The following CWF19L2 variants were observed in gnomAD, a reference collection of about 807,000 sequenced individuals.
CWF19L2 encodes the protein CWF19-like protein 2.
CWF19L2 carries 98 observed loss-of-function variants against 111.7 expected under a neutral mutation model. The observed-to-expected ratio is 0.88, with a 90% CI of 0.75 to 1.04. The LOEUF (loss-of-function observed/expected upper bound fraction) is 1.04, where lower values mean the gene tolerates loss of function less well. Ranked by LOEUF, CWF19L2 falls within the 50% of genes least tolerant of loss-of-function variation. The pLI, the probability that CWF19L2 is intolerant of heterozygous loss-of-function variation, is 0.00. For synonymous variants in CWF19L2, 351 were observed against 342.9 expected, an observed-to-expected ratio of 1.02 and a Z score of -0.26; for missense variants, 1,101 against 1,051.4, an observed-to-expected ratio of 1.05 and a Z score of -0.65.
chr11:107,356,287 A>G (rs551051371), intron 12 of CWF19L2, among the ~76,000 whole-genome samples: 2 of 152,320 alleles, frequency 1.3e-5, no homozygotes, highest in Admixed American at 1.3e-4. Flanking sequence ...AAAAGACAAG[A>G]AAGGTCTCAA....
intron 16 of CWF19L2, among the ~76,000 whole-genome samples, chr11:107,330,360 G>C (rs984838205): frequency 1.6e-4 from 24 of 152,074 alleles, no homozygotes; most frequent in Non-Finnish European, 3.1e-4. Context: ...TAGAGAATAA[G>C]TATATGCCTT....
intron 7 of CWF19L2, among the ~76,000 whole-genome samples, chr11:107,431,057 T>C (rs935397335): frequency 2.0e-5 from 3 of 151,854 alleles, no homozygotes; most frequent in Non-Finnish European, 4.4e-5. Flanking sequence ...CAACTTTGAA[T>C]ATAAGGATAC....
intron 14 of CWF19L2, among the ~76,000 whole-genome samples, chr11:107,337,147 A>G (rs993200953): frequency 6.6e-6 from 1 of 152,224 alleles, no homozygotes; most frequent in Non-Finnish European, 1.5e-5. Flanking sequence ...TCCTATGCTC[A>G]TAGCATCTGC....
At chr11:107,457,563 G>T in intron 1 of CWF19L2, 149 bp downstream of exon 1, 1 of 601,054 alleles carries the variant, frequency 1.7e-6, no homozygotes, top group Non-Finnish European at 3.0e-6. Flanking sequence ...GCTACAAAAG[G>T]GTTTACCGGC....
chr11:107,400,538 AC>A (rs1441509752), intron 10 of CWF19L2, among the ~76,000 whole-genome samples: 2 of 152,140 alleles, frequency 1.3e-5, no homozygotes, highest in Admixed American at 6.5e-5. Flanking sequence ...CCCTGAACAG[AC>A]CAATAACAAG....
intron 10 of CWF19L2, among the ~76,000 whole-genome samples, chr11:107,397,711 C>A (rs1053455990): frequency 1.3e-5 from 2 of 152,180 alleles, no homozygotes; most frequent in African/African-American, 4.8e-5. Flanking sequence ...GGAGGCCAAC[C>A]AGCACAAAAA....
intron 16 of CWF19L2, among the ~76,000 whole-genome samples, chr11:107,332,029 A>T (rs75369850): frequency 0.019 from 2,899 of 152,318 alleles, 41 homozygotes; most frequent in Non-Finnish European, 0.029. Context: ...AAAACTTTTT[A>T]TTTATGGTAG....
intron 10 of CWF19L2, among the ~76,000 whole-genome samples, chr11:107,393,673 G>A (rs1306389636): frequency 6.6e-6 from 1 of 152,062 alleles, no homozygotes; most frequent in Non-Finnish European, 1.5e-5. Flanking sequence ...GAGAAAATGT[G>A]GTGTATACAT....
At position 107,326,803 on chromosome 11, in the gene CWF19L2, G is replaced by T; in HGVS notation, c.*107C>A. On this transcript the variant is annotated 3_prime_UTR_variant, in exon 18 of 18. Coordinates refer to ENST00000282251, the MANE Select transcript of CWF19L2 (RefSeq NM_152434.3). ...TGTCACTGACCCAGAGCAGTCTGCT[G>T]CTGTGACTCTCTCTGCCTGTGACCT... 2.2e-6 allele frequency: 2 copies of T among 915,606 alleles called. No homozygotes were observed. The highest frequency in any genetic ancestry group is 3.3e-6 in the Non-Finnish European group (2 of 614,474). 56.7% of individuals were successfully genotyped at this position (915,606 alleles called of 1,614,324 possible).
At chr11:107,453,624 T>C (rs923990790) in intron 3 of CWF19L2, among the ~76,000 whole-genome samples, 1 of 151,538 alleles carries the variant, frequency 6.6e-6, no homozygotes, top group Non-Finnish European at 1.5e-5. Flanking sequence ...GTGGTGGCTA[T>C]GGGGAGAGCC....
At chr11:107,456,526 T>G (rs1861857929) in intron 1 of CWF19L2, among the ~76,000 whole-genome samples, 1 of 151,720 alleles carries the variant, frequency 6.6e-6, no homozygotes, top group South Asian at 2.1e-4. Context: ...TACCCAAGAC[T>G]AATCGCCCAC....
chr11:107,456,918 TTA>T (rs573549356), intron 1 of CWF19L2, among the ~76,000 whole-genome samples: 52 of 152,316 alleles, frequency 3.4e-4, no homozygotes, highest in African/African-American at 1.3e-3. Context: ...CATTTTCCCT[TTA>T]GAGTCTCCTC....
intron 12 of CWF19L2, among the ~76,000 whole-genome samples, chr11:107,381,448 C>T (rs1370448803): frequency 2.0e-5 from 3 of 152,098 alleles, no homozygotes; most frequent in East Asian, 3.8e-4. Context: ...TTATCTTATT[C>T]GGTTCTACAA....
chr11:107,330,689 C>CACACACAT lies in CWF19L2; in HGVS notation c.2440-671_2440-670insATGTGTGT, dbSNP rs58207804. ...ACACACACACACACACACACACACACTTTAAACTATTTCATGACTAGGAAA... is the reference window on the plus strand; with the variant it reads ...ACACACACACACACACACACACACACACACACATTTTAAACTATTTCATGACTAGGAAA... On this transcript the variant is annotated intron_variant, in intron 16 of 17. Coordinates refer to ENST00000282251, the MANE Select transcript of CWF19L2 (RefSeq NM_152434.3). Among the ~76,000 whole-genome samples, 225 of 141,630 alleles carry CACACACAT rather than the reference C, an allele frequency of 1.6e-3. 4 individuals carry two copies. The highest frequency in any genetic ancestry group is 4.0e-3 in the African/African-American group (147 of 36,436). 92.9% of individuals were successfully genotyped at this position (141,630 alleles called of 152,430 possible).
intron 16 of CWF19L2, among the ~76,000 whole-genome samples, chr11:107,333,486 T>C (rs187474509): frequency 2.0e-4 from 31 of 152,328 alleles, no homozygotes; most frequent in African/African-American, 7.5e-4. Context: ...GAAAGAATAC[T>C]TAACAGCATG....
intron 17 of CWF19L2, among the ~76,000 whole-genome samples, 187 bp downstream of exon 17, chr11:107,329,731 C>T (rs1421451618): frequency 1.3e-5 from 2 of 152,132 alleles, no homozygotes; most frequent in Admixed American, 1.3e-4. Flanking sequence ...AAGTAACATT[C>T]CTGGCTCTGT....
intron 6 of CWF19L2, among the ~76,000 whole-genome samples, chr11:107,434,672 CAAA>C (rs71044301): frequency 2.6e-5 from 3 of 115,808 alleles, no homozygotes; most frequent in Non-Finnish European, 3.7e-5. Flanking sequence ...TATTACACAG[CAAA>C]AAAAAAAAAA....
At chr11:107,391,375 T>C (rs983447299) in intron 11 of CWF19L2, among the ~76,000 whole-genome samples, 2 of 152,198 alleles carry the variant, frequency 1.3e-5, no homozygotes, top group Non-Finnish European at 2.9e-5. Context: ...CCCGTAAGCG[T>C]GCCCTCATCA....
intron 12 of CWF19L2, among the ~76,000 whole-genome samples, chr11:107,382,556 A>G (rs1312579553): frequency 6.6e-6 from 1 of 152,230 alleles, no homozygotes; most frequent in Non-Finnish European, 1.5e-5. Context: ...TTTATCCAAA[A>G]TAAGTTACTA....
Sources: allele counts gnomAD v4.1 joint callset (sites outside exome capture counted in the v4.1 genomes callset), GRCh38; gene constraint gnomAD v4.1.1; transcripts MANE v1.5; gene names NCBI Gene and HGNC (gene_info 2026-07-23, HGNC 2026-07-21).